The following MDN1 variants were observed in gnomAD, a reference collection of about 807,000 sequenced individuals.
MDN1 encodes midasin AAA ATPase 1.
Under a neutral mutation model 669.2 loss-of-function variants are expected in MDN1, and 266 were observed. That is an observed-to-expected ratio of 0.40 (90% CI 0.36 to 0.44). MDN1 has a LOEUF of 0.44. MDN1 is among the 20% of genes least tolerant of loss of function. The probability of loss-of-function intolerance (pLI) is 1.00; values close to 1 mark genes in which losing one functional copy is unlikely to be tolerated. For missense variants in MDN1, 5,940 were observed against 6,754.0 expected (o/e 0.88, Z 4.22); for synonymous variants, 2,385 against 2,457.1 (o/e 0.97, Z 0.87).
At chr6:89,815,001 G>C (rs189619038) in intron 1 of MDN1, 2 of 599,036 alleles carry the variant, frequency 3.3e-6, no homozygotes, top group Non-Finnish European at 5.5e-6. Context: ...GTAGCACCAA[G>C]TGTCTGGTGG....
In MDN1 at chr6:89,695,499, G is replaced by T; in HGVS notation, c.9771+106C>A. 7.2e-7 allele frequency: 1 copy of T among 1,387,900 alleles called. No individual in the cohort carries two copies. The allele number at this position is 1,387,900 out of a possible 1,614,324, so 86.0% of individuals were successfully genotyped here. On this transcript the variant is annotated intron_variant, in intron 61 of 101. Transcript: ENST00000369393. The surrounding 1 kb of genome is among the most constrained non-coding windows in gnomAD (Gnocchi z 4.1). ...CATAAGGCAACTTATGCAATATCAT[G>T]CTTGTGATGATCTGAGCACCCAAAA...
chr6:89,687,477 C>T (rs1032044433), intron 67 of MDN1, 39 bp from the exon 68 acceptor site: 20 of 1,561,794 alleles, frequency 1.3e-5, no homozygotes, highest in Non-Finnish European at 1.7e-5. Context: ...AGATATTATT[C>T]AATGCCATAA....
At chr6:89,807,601 A>G (rs1768102207) in intron 1 of MDN1, among the ~76,000 whole-genome samples, 4 of 152,060 alleles carry the variant, frequency 2.6e-5, no homozygotes, top group Admixed American at 2.6e-4. Context: ...AGTTTTTGGG[A>G]TCTGTGAATT....
rs566863022 is a variant in MDN1 at position 89,779,476 on chromosome 6, T to C, written c.1725+736A>G. Among the ~76,000 whole-genome samples the C allele has an allele frequency of 2.0e-5, 3 of 152,340 alleles. No individual in the cohort carries two copies. In the South Asian group the frequency reaches 6.2e-4, roughly 32 times the overall value. On this transcript the variant is annotated intron_variant, in intron 11 of 101. Transcript: ENST00000369393. ...TCATCAGAAACCCATCCTGGATTTA[T>C]GGTGTCTTACAAAGAGGTTCAGTCA...
At position 89,688,184 on chromosome 6, in the gene MDN1, A is replaced by C. The variant is rs1375895929; in HGVS notation, c.11260-11T>G. On this transcript the variant is annotated splice_polypyrimidine_tract_variant and intron_variant, in intron 66 of 101. Coordinates refer to ENST00000369393, the MANE Select transcript of MDN1 (RefSeq NM_014611.3). ...CATTACAACCAGGAGCTGCAGAAAT[A>C]AAGATTTGGGTATCTCAGTAGGAAT... 1 of 1,611,394 alleles carries C rather than the reference A, an allele frequency of 6.2e-7. No individual in the cohort carries two copies. Among genetic ancestry groups the C allele is most frequent in the Non-Finnish European group, 8.5e-7 (1 of 1,177,556 alleles).
intron 11 of MDN1, 56 bp downstream of exon 11, chr6:89,780,156 G>A (rs932893983): frequency 1.7e-5 from 16 of 940,054 alleles, no homozygotes; most frequent in African/African-American, 3.4e-5. Context: ...AAATAACAAC[G>A]GAAGTCAACA....
At chr6:89,721,090 A>G (rs566815004) in intron 40 of MDN1, among the ~76,000 whole-genome samples, 1 of 152,356 alleles carries the variant, frequency 6.6e-6, no homozygotes, top group African/African-American at 2.4e-5. Context: ...TTAAGCCGGC[A>G]TTGTGCCACT....
chr6:89,680,291 C>T (rs775425841), intron 74 of MDN1, among the ~76,000 whole-genome samples: 21 of 152,214 alleles, frequency 1.4e-4, no homozygotes, highest in Non-Finnish European at 2.4e-4. Flanking sequence ...GGAAATCCAC[C>T]TCTGTGCCCC....
chr6:89,745,135 A>AG, intron 29 of MDN1, 138 bp downstream of exon 29: 1 of 264,078 alleles, frequency 3.8e-6, no homozygotes, highest in African/African-American at 1.1e-4. Context: ...GTCTCTTCTT[A>AG]AAAAAAAAAA....
chr6:89,662,856 T>C lies in MDN1; in HGVS notation c.14348A>G (p.Asp4783Gly). The change falls in exon 86 of 102, where the codon GAT (aspartate) becomes GGT (glycine). Residue 4783 changes from aspartate (D) to glycine (G), a missense_variant. Physicochemically the swap from Asp to Gly is moderately conservative, Grantham distance 94. This residue lies in a region of MDN1 where 2,280 missense variants were observed against 2,576.3 expected (regional missense o/e 0.88). Coordinates refer to ENST00000369393, the MANE Select transcript of MDN1 (RefSeq NM_014611.3). The stretch of plus-strand genomic sequence containing the variant: ...TTCTTCCTCCTCATCTTCCTCCTCA[T>C]CATCATCACCCCAAAGCCTCTCATC... ...KLDERLWGDD[D>G]EEEDEEEEDN... 1 of 1,613,902 alleles carries C rather than the reference T, an allele frequency of 6.2e-7. No homozygotes were observed. The highest frequency in any genetic ancestry group is 8.5e-7 in the Non-Finnish European group (1 of 1,179,844).
At chr6:89,657,555 G>T (rs1440144273) in intron 90 of MDN1, among the ~76,000 whole-genome samples, 1 of 152,184 alleles carries the variant, frequency 6.6e-6, no homozygotes, top group Non-Finnish European at 1.5e-5. Flanking sequence ...CACCGTTAAA[G>T]GTATACATTG....
intron 20 of MDN1, 124 bp from the exon 21 acceptor site, chr6:89,754,354 G>T: frequency 1.1e-6 from 1 of 901,798 alleles, no homozygotes; most frequent in South Asian, 1.9e-5. Flanking sequence ...AACTTCCTGG[G>T]GCATGCATCA....
chr6:89,690,803 C>T lies in MDN1; in HGVS notation c.10619G>A (p.Arg3540His), dbSNP rs777187506. The change falls in exon 64 of 102, where the codon CGC becomes CAC. Residue 3540 changes from arginine (R) to histidine (H), a missense_variant. Arg to His is a conservative substitution (Grantham distance 29). Around this residue, in one of 5 missense-constraint regions of MDN1, gnomAD observed 2,280 missense variants for 2,576.3 expected, o/e 0.88. Coordinates refer to ENST00000369393, the MANE Select transcript of MDN1 (RefSeq NM_014611.3). The part of the protein sequence containing the change: ...EIISEWDEQE[R>H]IAQEKAEQES... Reference sequence around the variant, plus strand: ...CTGCTCAGCCTTCTCTTGGGCTATGCGTTCCTGCTCATCCCACTCACTGAT... The same window carrying T: ...CTGCTCAGCCTTCTCTTGGGCTATGTGTTCCTGCTCATCCCACTCACTGAT... The T allele has an allele frequency of 9.9e-6, 16 of 1,613,952 alleles. No homozygotes were observed. The highest frequency in any genetic ancestry group is 4.4e-5 in the South Asian group (4 of 91,060).
chr6:89,678,853 TATCA>T, intron 74 of MDN1, 108 bp from the exon 75 acceptor site: 1 of 1,179,718 alleles, frequency 8.5e-7, no homozygotes, highest in Non-Finnish European at 1.2e-6. Flanking sequence ...AAAGGCCAAG[TATCA>T]TTCATCTTTA....
intron 31 of MDN1, among the ~76,000 whole-genome samples, chr6:89,741,149 T>C (rs2128316930): frequency 6.6e-6 from 1 of 152,284 alleles, no homozygotes; most frequent in East Asian, 1.9e-4. Flanking sequence ...CAAGAATCAC[T>C]TGAACCCGAG....
rs964612564 is a variant in MDN1 at position 89,722,970 on chromosome 6, T to C, written c.5952A>G (p.Glu1984=). The change falls in exon 40 of 102, where the codon GAA becomes GAG. Residue 1984 remains glutamate, a synonymous_variant. Transcript: ENST00000369393. ...FLVYGERMRT[E]EDKKKVIAVF... is the part of the protein sequence containing the mutation. The stretch of plus-strand genomic sequence containing the variant: ...TGAAACTCACCTTTTTTTTGTCCTC[T>C]TCGGTTCTCATTCTTTCACCATAGA... The C allele has an allele frequency of 3.1e-6, 5 of 1,611,596 alleles. No individual in the cohort carries two copies. The African/African-American group carries it at 4.0e-5, about 13-fold the overall frequency.
chr6:89,687,431 TC>T lies in MDN1; in HGVS notation c.11362del (p.Glu3788ArgfsTer16). ...AGACAAAGCTCGACTTGCATTTTCC[TC>T]CCAATCCTAAAGAAACAAAGATAAA... ...EILLAKAQDW[E>X]ENASRALSLR... On this transcript the variant is annotated frameshift_variant, in exon 68 of 102. Transcript: ENST00000369393. LOFTEE classifies it high-confidence loss of function. 1 of 1,613,540 alleles carries T rather than the reference TC, an allele frequency of 6.2e-7. No individual in the cohort carries two copies. Among genetic ancestry groups the T allele is most frequent in the South Asian group, 1.1e-5 (1 of 91,034 alleles).
rs750817585 is a variant in MDN1, at chr6:89,698,826, C to T, written c.9168+39G>A. On this transcript the variant is annotated intron_variant, in intron 59 of 101. Coordinates refer to ENST00000369393, the MANE Select transcript of MDN1 (RefSeq NM_014611.3). Reference sequence around the variant, plus strand: ...ATAGATCCATTCAGAAACTCTTTTGCCACTATCAAACATTTTTTATAATTT... The same window carrying T: ...ATAGATCCATTCAGAAACTCTTTTGTCACTATCAAACATTTTTTATAATTT... 2.2e-5 allele frequency: 36 copies of T among 1,602,342 alleles called. No homozygotes were observed. In the South Asian group the frequency reaches 2.8e-4, roughly 12 times the overall value.
In MDN1 at chr6:89,644,168, G is replaced by A. The variant is rs1027570530; in HGVS notation, c.16628C>T (p.Pro5543Leu). 1.1e-5 allele frequency: 17 copies of A among 1,612,116 alleles called. No individual in the cohort carries two copies. Among genetic ancestry groups the A allele is most frequent in the Non-Finnish European group, 1.4e-5 (17 of 1,179,332 alleles). ...CATCTCTCCAGGTCCTTTAAATATCGGTACTTTAATGTCCAAGATAGAATC... is the reference window on the plus strand; with the variant it reads ...CATCTCTCCAGGTCCTTTAAATATCAGTACTTTAATGTCCAAGATAGAATC... ...SRDSILDIKV[P>L]IFKGPGEMPE... The change falls in exon 102 of 102, where the codon CCG (proline) becomes CTG (leucine). Residue 5543 changes from proline (P) to leucine (L), a missense_variant. Coordinates refer to ENST00000369393, the MANE Select transcript of MDN1 (RefSeq NM_014611.3).
Sources: allele counts gnomAD v4.1 joint callset (sites outside exome capture counted in the v4.1 genomes callset), GRCh38; gene constraint gnomAD v4.1.1; regional missense constraint gnomAD v4.1.1; non-coding constraint Gnocchi (gnomAD v3.1); transcripts MANE v1.5; gene names NCBI Gene and HGNC (gene_info 2026-07-23, HGNC 2026-07-21).